The following PGM2L1 variants were observed in gnomAD, a reference collection of about 807,000 sequenced individuals.
PGM2L1 encodes the protein phosphoglucomutase 2 like 1.
A neutral mutation model predicts 73.4 loss-of-function variants in PGM2L1; 35 were observed. That is an observed-to-expected ratio of 0.48 (90% CI 0.36 to 0.63). PGM2L1 has a LOEUF of 0.63. PGM2L1 is among the 30% of genes least tolerant of loss of function. The probability of loss-of-function intolerance (pLI) is 0.00; values close to 1 mark genes in which losing one functional copy is unlikely to be tolerated. For missense variants in PGM2L1, 570 were observed against 742.0 expected, an observed-to-expected ratio of 0.77 and a Z score of 2.69; for synonymous variants, 225 against 253.8, an observed-to-expected ratio of 0.89 and a Z score of 1.08.
At chr11:74,350,073 AAAAAAC>A (rs1477731010) in intron 6 of PGM2L1, among the ~76,000 whole-genome samples, 3 of 152,204 alleles carry the variant, frequency 2.0e-5, no homozygotes, top group Non-Finnish European at 4.4e-5. Flanking sequence ...TATACTCTTT[AAAAAAC>A]AAAAATGTAA....
intron 4 of PGM2L1, 115 bp from the exon 5 acceptor site, chr11:74,368,690 G>A: frequency 1.5e-6 from 1 of 669,980 alleles, no homozygotes; most frequent in Non-Finnish European, 2.5e-6. Flanking sequence ...TATTGCTTTT[G>A]TTGATACCCT....
intron 5 of PGM2L1, among the ~76,000 whole-genome samples, chr11:74,362,643 A>T (rs1485450211): frequency 6.6e-6 from 1 of 152,206 alleles, no homozygotes; most frequent in Non-Finnish European, 1.5e-5. Flanking sequence ...TGTATTCAGG[A>T]GACGCATCTC....
At chr11:74,377,495 A>G (rs1342408112) in intron 1 of PGM2L1, among the ~76,000 whole-genome samples, 1 of 152,202 alleles carries the variant, frequency 6.6e-6, no homozygotes, top group Non-Finnish European at 1.5e-5. Context: ...AAAGGAGAGC[A>G]GAAGAGTATA....
Position 74,342,554 on chromosome 11 carries a change from T to G in PGM2L1, c.1539A>C (p.Pro513=), listed in dbSNP as rs1270155712. Residue 513 remains proline (P), a synonymous_variant, in exon 12 of 14, where the codon CCA becomes CCC. Transcript: ENST00000298198. ...TTCCACAAAATTTTGGATATTCTTTTGGAGAATCAAAATTACGAAGCCTTT... is the reference window on the plus strand; with the variant it reads ...TTCCACAAAATTTTGGATATTCTTTGGGAGAATCAAAATTACGAAGCCTTT... ...IFERLRNFDS[P]KEYPKFCGTF... The G allele has an allele frequency of 6.2e-7, 1 of 1,609,422 alleles. No homozygotes were observed. The highest frequency in any genetic ancestry group is 8.5e-7 in the Non-Finnish European group (1 of 1,176,872).
chr11:74,394,088 T>G (rs1863141006), intron 1 of PGM2L1, among the ~76,000 whole-genome samples: 1 of 152,166 alleles, frequency 6.6e-6, no homozygotes, highest in African/African-American at 2.4e-5. Flanking sequence ...TGCCTTGATC[T>G]AGGACTTGTT....
rs537066604 is a variant in PGM2L1 at position 74,397,318 on chromosome 11, C to T, written c.111+733G>A. ...TTGTCACAAATTCATCCCAAATGCC[C>T]GCACGAGGTTTAATTACCACCACAA... On this transcript the variant is annotated intron_variant, in intron 1 of 13. Coordinates refer to ENST00000298198, the MANE Select transcript of PGM2L1 (RefSeq NM_173582.6). Among the ~76,000 whole-genome samples the T allele has an allele frequency of 1.1e-4, 16 of 150,492 alleles. No individual in the cohort carries two copies. In the East Asian group the frequency reaches 2.9e-3, roughly 28 times the overall value.
At position 74,398,164 on chromosome 11, in the gene PGM2L1, C is replaced by A. The variant is rs377483284; in HGVS notation, c.-3G>T. The A allele has an allele frequency of 2.4e-5, 38 of 1,606,012 alleles. No individual in the cohort carries two copies. Among genetic ancestry groups the A allele is most frequent in the Non-Finnish European group, 2.9e-5 (34 of 1,175,606 alleles). On this transcript the variant is annotated 5_prime_UTR_variant, in exon 1 of 14. Transcript: ENST00000298198. The stretch of plus-strand genomic sequence containing the variant: ...TCCCCCTCTGTGTTTTCAGCCATGG[C>A]GACCAGACAGGCGTACGGGCCGGGG...
chr11:74,373,443 A>G (rs181107118), intron 2 of PGM2L1, among the ~76,000 whole-genome samples: 33 of 152,332 alleles, frequency 2.2e-4, no homozygotes, highest in Admixed American at 1.7e-3. Flanking sequence ...TGGGAGTATC[A>G]ATTAGAATTA....
intron 4 of PGM2L1, among the ~76,000 whole-genome samples, chr11:74,369,524 T>C (rs1238471170): frequency 6.6e-6 from 1 of 152,080 alleles, no homozygotes; most frequent in Non-Finnish European, 1.5e-5. Context: ...AGGATGAAGA[T>C]GTCCCAGAGG....
rs760272235 is a variant in PGM2L1, at chr11:74,342,539, T to C, written c.1554A>G (p.Lys518=). ...RNFDSPKEYP[K]FCGTFAILHV... is the part of the protein sequence containing the mutation. The stretch of plus-strand genomic sequence containing the variant: ...GCAATATAGCAAATGTTCCACAAAA[T>C]TTTGGATATTCTTTTGGAGAATCAA... The change falls in exon 12 of 14, where the codon AAA becomes AAG. Residue 518 remains lysine, a synonymous_variant. Transcript: ENST00000298198. The C allele has an allele frequency of 6.2e-7, 1 of 1,610,462 alleles. No individual in the cohort carries two copies. The highest frequency in any genetic ancestry group is 1.1e-5 in the South Asian group (1 of 90,296).
chr11:74,331,633 C>A lies in PGM2L1; in HGVS notation c.*5019G>T, dbSNP rs1315113849. On this transcript the variant is annotated 3_prime_UTR_variant, in exon 14 of 14. Transcript: ENST00000298198. ...CTTGCCTCCACTGGGGGTGAGGGCA[C>A]TGGGGGAGAAAACTGAGCAGCCACG... 1 of 152,170 alleles carries A rather than the reference C, an allele frequency of 6.6e-6. No individual in the cohort carries two copies. The highest frequency in any genetic ancestry group is 2.4e-5 in the African/African-American group (1 of 41,384). 9.4% of individuals were successfully genotyped at this position (152,170 alleles called of 1,614,324 possible).
chr11:74,350,380 T>C (rs974361104), intron 6 of PGM2L1, among the ~76,000 whole-genome samples: 1 of 152,100 alleles, frequency 6.6e-6, no homozygotes, highest in African/African-American at 2.4e-5. Context: ...TAAGGAAAAA[T>C]AAACTCTTAA....
At chr11:74,374,204 C>A (rs1445756428) in intron 2 of PGM2L1, among the ~76,000 whole-genome samples, 1 of 152,176 alleles carries the variant, frequency 6.6e-6, no homozygotes, top group African/African-American at 2.4e-5. Flanking sequence ...CTGCCTCAGC[C>A]TCCCGGGTAG....
Position 74,383,824 on chromosome 11 carries a change from AATATAT to A in PGM2L1, c.112-9248_112-9243del, listed in dbSNP as rs377358856. On this transcript the variant is annotated intron_variant, in intron 1 of 13. Coordinates refer to ENST00000298198, the MANE Select transcript of PGM2L1 (RefSeq NM_173582.6). ...AGTATTCTATGGAGATATATAAATA[AATATAT>A]ATATATATATATAACATTTTCTTTA... is the stretch of plus-strand genomic sequence containing the variant. 1.6e-4 allele frequency among the ~76,000 whole-genome samples: 19 copies of A among 121,836 alleles called. 1 individual carries two copies. The highest frequency in any genetic ancestry group is 8.0e-4 in the South Asian group (3 of 3,756). The allele number at this position is 121,836 out of a possible 152,430, so 79.9% of individuals were successfully genotyped here. A position where few individuals can be genotyped will look rare whatever the true frequency, so the allele number is the denominator to read the frequency against.
At chr11:74,351,236 G>T in intron 6 of PGM2L1, 147 bp downstream of exon 6, 1 of 694,304 alleles carries the variant, frequency 1.4e-6, no homozygotes, top group Non-Finnish European at 2.3e-6. Flanking sequence ...ATGGTTACTT[G>T]GGTTATTTCC....
At chr11:74,374,642 C>T in intron 1 of PGM2L1, 60 bp from the exon 2 acceptor site, 2 of 1,461,370 alleles carry the variant, frequency 1.4e-6, no homozygotes, top group South Asian at 1.2e-5. Context: ...AATATTAAGC[C>T]CTTCTGAGGG....
chr11:74,354,675 G>C, intron 5 of PGM2L1: 1 of 1,124,960 alleles, frequency 8.9e-7, no homozygotes, highest in Non-Finnish European at 1.3e-6. Context: ...GGCCACACAA[G>C]GTGGATGGAA....
intron 1 of PGM2L1, among the ~76,000 whole-genome samples, chr11:74,380,016 T>A (rs1396695923): frequency 6.6e-6 from 1 of 152,142 alleles, no homozygotes; most frequent in East Asian, 1.9e-4. Flanking sequence ...ACTTCTAAAG[T>A]TGCAAAATTG....
At chr11:74,354,005 TAAG>T (rs1452573160) in intron 5 of PGM2L1, among the ~76,000 whole-genome samples, 2 of 151,516 alleles carry the variant, frequency 1.3e-5, no homozygotes, top group Non-Finnish European at 2.9e-5. Context: ...TTATAAAACA[TAAG>T]AAAAAAAATC....
Sources: gnomAD v4.1 joint callset for allele counts (sites outside exome capture counted in the v4.1 genomes callset) on GRCh38, gnomAD v4.1.1 for gene constraint, MANE v1.5 for transcripts, NCBI Gene and HGNC (gene_info 2026-07-23, HGNC 2026-07-21) for gene names.